NR3C2: variants seen among roughly 807,000 people sequenced by gnomAD.
NR3C2 encodes the protein nuclear receptor subfamily 3 group C member 2.
In NR3C2, 15 loss-of-function variants were observed where a neutral mutation model predicts 86.4. That is an observed-to-expected ratio of 0.17 (90% CI 0.12 to 0.27). NR3C2 has a LOEUF of 0.27. Among genes scored for constraint, NR3C2 ranks in the 10% least tolerant of loss-of-function variants. The pLI, the probability that NR3C2 is intolerant of heterozygous loss-of-function variation, is 1.00. For missense variants in NR3C2, 960 were observed against 1,195.6 expected (o/e 0.80, Z 2.91); for synonymous variants, 458 against 450.5 (o/e 1.02, Z -0.21).
At chr4:148,409,413 A>T (rs1274396214) in intron 2 of NR3C2, among the ~76,000 whole-genome samples, 2 of 152,142 alleles carry the variant, frequency 1.3e-5, no homozygotes, top group African/African-American at 4.8e-5. Context: ...ATAACCCATG[A>T]CTTGCCACCT....
At chr4:148,327,099 A>T (rs1299548309) in intron 2 of NR3C2, among the ~76,000 whole-genome samples, 1 of 152,166 alleles carries the variant, frequency 6.6e-6, no homozygotes, top group Non-Finnish European at 1.5e-5. Flanking sequence ...TAATGGGGAG[A>T]AATTAAAATT....
At chr4:148,363,977 T>G (rs1376065971) in intron 2 of NR3C2, among the ~76,000 whole-genome samples, 1 of 152,196 alleles carries the variant, frequency 6.6e-6, no homozygotes, top group Non-Finnish European at 1.5e-5. Flanking sequence ...ACTCAGTAAT[T>G]ACATTTTATT....
chr4:148,416,800 A>T (rs1749024574), intron 2 of NR3C2, among the ~76,000 whole-genome samples: 1 of 151,664 alleles, frequency 6.6e-6, no homozygotes. Flanking sequence ...TTTGAGATGA[A>T]GTTTTGCTCT....
chr4:148,276,121 TG>T (rs1199082523), intron 2 of NR3C2, among the ~76,000 whole-genome samples: 2 of 152,152 alleles, frequency 1.3e-5, no homozygotes, highest in Non-Finnish European at 2.9e-5. Flanking sequence ...CTCAGAATCT[TG>T]GAGTCCTTAT....
intron 6 of NR3C2, among the ~76,000 whole-genome samples, chr4:148,142,910 C>A (rs1042173208): frequency 4.6e-5 from 7 of 152,214 alleles, no homozygotes; most frequent in African/African-American, 1.7e-4. Flanking sequence ...TCCCCACCAT[C>A]TCTCTTGCTC....
At chr4:148,190,655 T>C (rs1294846332) in intron 4 of NR3C2, among the ~76,000 whole-genome samples, 3 of 152,224 alleles carry the variant, frequency 2.0e-5, no homozygotes, top group South Asian at 4.1e-4. Flanking sequence ...ACTATTATTG[T>C]GTTGCTGTTT....
chr4:148,355,255 G>T (rs1018972879), intron 2 of NR3C2, among the ~76,000 whole-genome samples: 1 of 152,148 alleles, frequency 6.6e-6, no homozygotes, highest in Admixed American at 6.5e-5. Context: ...CCAGAGATTA[G>T]AGGCCCCAAG....
intron 4 of NR3C2, among the ~76,000 whole-genome samples, chr4:148,193,337 C>G (rs1331650555): frequency 6.6e-6 from 1 of 152,188 alleles, no homozygotes; most frequent in Non-Finnish European, 1.5e-5. Context: ...GGGGTGTCTC[C>G]CAGGTCCTCC....
intron 2 of NR3C2, among the ~76,000 whole-genome samples, chr4:148,398,365 T>C (rs931924538): frequency 1.3e-5 from 2 of 152,194 alleles, no homozygotes; most frequent in African/African-American, 4.8e-5. Flanking sequence ...GCAAATCAAG[T>C]AAGTATGAGA....
At chr4:148,298,690 C>A (rs1244597229) in intron 2 of NR3C2, among the ~76,000 whole-genome samples, 1 of 152,210 alleles carries the variant, frequency 6.6e-6, no homozygotes, top group Non-Finnish European at 1.5e-5. Flanking sequence ...CTCTTATCAT[C>A]CACTGTTAAT....
chr4:148,176,362 CTGGA>C (rs900952671), intron 4 of NR3C2, among the ~76,000 whole-genome samples: 2 of 152,184 alleles, frequency 1.3e-5, no homozygotes, highest in African/African-American at 4.8e-5. Flanking sequence ...TGCAAGACTG[CTGGA>C]GGCAGAGCTG....
intron 2 of NR3C2, among the ~76,000 whole-genome samples, chr4:148,345,949 T>C (rs575985188): frequency 6.6e-6 from 1 of 152,212 alleles, no homozygotes; most frequent in East Asian, 1.9e-4. Flanking sequence ...GAGACCGATC[T>C]AGGCCAAGGG....
chr4:148,436,252 C>A lies in NR3C2; in HGVS notation c.609G>T (p.Ser203=), dbSNP rs912710711. 4 of 1,614,118 alleles carry A rather than the reference C, an allele frequency of 2.5e-6. No homozygotes were observed. Among genetic ancestry groups the A allele is most frequent in the Non-Finnish European group, 3.4e-6 (4 of 1,180,028 alleles). ...SVCSPLNMTS[S]VCSPAGINSV... is the part of the protein sequence containing the mutation. ...AGTTGATTCCAGCAGGGCTGCAAAC[C>A]GAAGATGTCATGTTCAGAGGGCTGC... Residue 203 remains serine (S), a synonymous_variant, in exon 2 of 9, where the codon TCG becomes TCT. Transcript: ENST00000358102.
intron 8 of NR3C2, among the ~76,000 whole-genome samples, chr4:148,094,432 C>G (rs890335166): frequency 6.6e-6 from 1 of 152,148 alleles, no homozygotes; most frequent in Non-Finnish European, 1.5e-5. Flanking sequence ...TAAGTGTTCA[C>G]AGCTGGGCAT....
At chr4:148,131,650 A>G (rs1733049879) in intron 6 of NR3C2, among the ~76,000 whole-genome samples, 1 of 152,194 alleles carries the variant, frequency 6.6e-6, no homozygotes, top group African/African-American at 2.4e-5. Flanking sequence ...GAACTCAGCC[A>G]TAAGGTCTAG....
chr4:148,196,263 G>A (rs966588939), intron 3 of NR3C2, among the ~76,000 whole-genome samples: 41 of 152,200 alleles, frequency 2.7e-4, no homozygotes, highest in Admixed American at 9.8e-4. Flanking sequence ...AAAAGGGGAA[G>A]ACAGAAGGAG....
At chr4:148,226,303 T>A (rs906048722) in intron 3 of NR3C2, among the ~76,000 whole-genome samples, 1 of 152,200 alleles carries the variant, frequency 6.6e-6, no homozygotes, top group Non-Finnish European at 1.5e-5. Context: ...AGGAAACTAC[T>A]ATTCTAATTT....
chr4:148,200,928 A>T, intron 3 of NR3C2: 1 of 152,122 alleles, frequency 6.6e-6, no homozygotes, highest in East Asian at 1.9e-4. Flanking sequence ...AAAGTTATTA[A>T]ATTAAAAAAA....
At chr4:148,264,443 T>A (rs1740277468) in intron 2 of NR3C2, among the ~76,000 whole-genome samples, 1 of 152,216 alleles carries the variant, frequency 6.6e-6, no homozygotes, top group South Asian at 2.1e-4. Flanking sequence ...GTTTAGTGAT[T>A]TGTATGTCAA....
Sources: gnomAD v4.1 joint callset for allele counts (sites outside exome capture counted in the v4.1 genomes callset) on GRCh38, gnomAD v4.1.1 for gene constraint, MANE v1.5 for transcripts, NCBI Gene and HGNC (gene_info 2026-07-23, HGNC 2026-07-21) for gene names.